The following ALDH1L1 variants were observed in gnomAD, a reference collection of about 807,000 sequenced individuals.
ALDH1L1 encodes the protein aldehyde dehydrogenase 1 family member L1, also known as cytosolic 10-formyltetrahydrofolate dehydrogenase.
In ALDH1L1, 68 loss-of-function variants were observed where a neutral mutation model predicts 101.1. The ratio of observed to expected loss-of-function variants is 0.67; its 90% CI spans 0.55 to 0.82. The LOEUF is 0.82. ALDH1L1 is among the 40% of genes least tolerant of loss of function. ALDH1L1 has a pLI of 0.00. For missense variants in ALDH1L1, 1,087 were observed against 1,172.7 expected (o/e 0.93, Z 1.07); for synonymous variants, 486 against 470.8 (o/e 1.03, Z -0.42).
chr3:126,124,280 G>T lies in ALDH1L1; in HGVS notation c.1888+84C>A, dbSNP rs572015963. Reference sequence around the variant, plus strand: ...TCTCCCCAGGCTACTCTGCCCTCACGCCACTATCCAGTAGGGCCTGCTCTG... The same window carrying T: ...TCTCCCCAGGCTACTCTGCCCTCACTCCACTATCCAGTAGGGCCTGCTCTG... On this transcript the variant is annotated intron_variant, in intron 16 of 22. Transcript: ENST00000393434. 1.7e-5 allele frequency: 21 copies of T among 1,256,652 alleles called. No individual in the cohort carries two copies. In the African/African-American group the frequency reaches 2.5e-4, roughly 15 times the overall value. 77.8% of individuals were successfully genotyped at this position (1,256,652 alleles called of 1,614,324 possible).
At chr3:126,139,884 G>A (rs1240449876) in intron 9 of ALDH1L1, among the ~76,000 whole-genome samples, 1 of 151,866 alleles carries the variant, frequency 6.6e-6, no homozygotes, top group East Asian at 1.9e-4. Context: ...AAAGAATGAA[G>A]AAAAATGAAA....
chr3:126,174,044 GT>G (rs1553765256), intron 1 of ALDH1L1, among the ~76,000 whole-genome samples: 5 of 152,004 alleles, frequency 3.3e-5, no homozygotes, highest in East Asian at 1.9e-4. Flanking sequence ...CCCCACTAAC[GT>G]TTTTTTTGGG....
chr3:126,144,732 A>C (rs953124903), intron 9 of ALDH1L1, among the ~76,000 whole-genome samples: 1 of 152,230 alleles, frequency 6.6e-6, no homozygotes, highest in South Asian at 2.1e-4. Flanking sequence ...TTAAGACTTA[A>C]AACTATAAAA....
chr3:126,124,358 T>A lies in ALDH1L1; in HGVS notation c.1888+6A>T. The A allele has an allele frequency of 6.2e-7, 1 of 1,609,056 alleles. No homozygotes were observed. Among genetic ancestry groups the A allele is most frequent in the Non-Finnish European group, 8.5e-7 (1 of 1,177,796 alleles). On this transcript the variant is annotated splice_donor_region_variant and intron_variant, in intron 16 of 22. Transcript: ENST00000393434. Reference sequence around the variant, plus strand: ...CCCTAGCCCTGCCCCCGACAATGGCTCTTACCAGATCCTGGGAGGACGTTA... The same window carrying A: ...CCCTAGCCCTGCCCCCGACAATGGCACTTACCAGATCCTGGGAGGACGTTA...
chr3:126,131,572 C>A, intron 12 of ALDH1L1, 38 bp from the exon 13 acceptor site: 1 of 1,581,212 alleles, frequency 6.3e-7, no homozygotes, highest in Non-Finnish European at 8.6e-7. Context: ...TGGGCTCAGG[C>A]CTGGCACGGC....
At chr3:126,125,459 A>C (rs2080162268) in intron 15 of ALDH1L1, among the ~76,000 whole-genome samples, 157 bp downstream of exon 15, 5 of 152,140 alleles carry the variant, frequency 3.3e-5, no homozygotes, top group Admixed American at 2.0e-4. Context: ...GCCTCTGCCC[A>C]CTGAGAGTGG....
chr3:126,132,436 C>T (rs1451426538), intron 12 of ALDH1L1, among the ~76,000 whole-genome samples: 38 of 152,210 alleles, frequency 2.5e-4, no homozygotes, highest in Admixed American at 2.5e-3. Context: ...CAACTCTGTG[C>T]CTGGCCAAGC....
intron 1 of ALDH1L1, among the ~76,000 whole-genome samples, chr3:126,187,925 G>T (rs940676397): frequency 1.3e-5 from 2 of 152,070 alleles, no homozygotes; most frequent in Admixed American, 1.3e-4. Context: ...GTTTAAACTT[G>T]TCAGAGTTTA....
In ALDH1L1 at chr3:126,153,468, G is replaced by A. The variant is rs1254921586; in HGVS notation, c.834C>T (p.Ile278=). 3.7e-6 allele frequency: 6 copies of A among 1,613,994 alleles called. No individual in the cohort carries two copies. The highest frequency in any genetic ancestry group is 5.1e-6 in the Non-Finnish European group (6 of 1,180,050). The change falls in exon 7 of 23, where the codon ATC becomes ATT. Residue 278 remains isoleucine (I), a synonymous_variant. Transcript: ENST00000393434. ...CCATTTTGTCATCATTCCCAAAGAGGATGAGTCCTGCTTTGGTGACCACCC... is the reference window on the plus strand; with the variant it reads ...CCATTTTGTCATCATTCCCAAAGAGAATGAGTCCTGCTTTGGTGACCACCC... ...RPGVVTKAGL[I]LFGNDDKMLL...
Position 126,131,539 on chromosome 3 carries a change from C to G in ALDH1L1, c.1473-5G>C, listed in dbSNP as rs1398539605. ...TGCTCCATGAGATCTGCCAACCTGA[C>G]CAGGGTGAGGGGAAGCGGGAGGTGG... is the stretch of plus-strand genomic sequence containing the variant. On this transcript the variant is annotated splice_region_variant and splice_polypyrimidine_tract_variant and intron_variant, in intron 12 of 22. Coordinates refer to ENST00000393434, the MANE Select transcript of ALDH1L1 (RefSeq NM_012190.4). The G allele has an allele frequency of 6.2e-7, 1 of 1,600,210 alleles. No individual in the cohort carries two copies. Among genetic ancestry groups the G allele is most frequent in the East Asian group, 2.2e-5 (1 of 44,446 alleles).
chr3:126,143,146 A>G (rs954307078), intron 9 of ALDH1L1, among the ~76,000 whole-genome samples: 1 of 152,206 alleles, frequency 6.6e-6, no homozygotes, highest in African/African-American at 2.4e-5. Context: ...TTTATTGAAC[A>G]CTGTACTGAA....
chr3:126,130,126 G>A (rs894329595), intron 14 of ALDH1L1, 97 bp downstream of exon 14: 13 of 1,153,956 alleles, frequency 1.1e-5, no homozygotes, highest in African/African-American at 1.6e-5. Flanking sequence ...ATAAATGCAC[G>A]CACAGGGTGC....
rs1945850153 is a variant in ALDH1L1, at chr3:126,105,862, G to A, written c.2517C>T (p.Phe839=). ...ATEFGLASGV[F]TRDINKALYV... Reference sequence around the variant, plus strand: ...ACAGGGCCTTGTTGATGTCCCTGGTGAAGACACCAGAAGCCAGGCCAAATT... The same window carrying A: ...ACAGGGCCTTGTTGATGTCCCTGGTAAAGACACCAGAAGCCAGGCCAAATT... Residue 839 remains phenylalanine, a synonymous_variant, in exon 22 of 23, where the codon TTC becomes TTT. Transcript: ENST00000393434. 6.2e-7 allele frequency: 1 copy of A among 1,614,218 alleles called. No individual in the cohort carries two copies. Among genetic ancestry groups the A allele is most frequent in the Non-Finnish European group, 8.5e-7 (1 of 1,180,036 alleles).
At chr3:126,114,793 TC>T (rs763013261) in intron 17 of ALDH1L1, 137 bp from the exon 18 acceptor site, 40 of 597,046 alleles carry the variant, frequency 6.7e-5, no homozygotes, top group Middle Eastern at 2.6e-4. Flanking sequence ...GCCTCCCCAC[TC>T]CCCCCCACCC....
intron 22 of ALDH1L1, chr3:126,105,171 C>T (rs1945822036): frequency 5.4e-6 from 1 of 184,408 alleles, no homozygotes; most frequent in South Asian, 1.2e-4. Flanking sequence ...CCGTGGTGTT[C>T]ACCCGGGGGT....
At chr3:126,130,103 G>T in intron 14 of ALDH1L1, 120 bp downstream of exon 14, 1 of 903,900 alleles carries the variant, frequency 1.1e-6, no homozygotes, top group South Asian at 3.0e-5. Context: ...AGAAGCACAT[G>T]GATGGCTGTT....
At chr3:126,180,845 C>T, upstream of ALDH1L1, 1 of 1,550,728 alleles carries the variant, frequency 6.4e-7, no homozygotes, top group Non-Finnish European at 8.7e-7. Flanking sequence ...GTCCCAAGCA[C>T]CCAGCAGGGC....
At chr3:126,182,810 C>G (rs946908306), upstream of ALDH1L1, among the ~76,000 whole-genome samples, 6 of 152,048 alleles carry the variant, frequency 3.9e-5, no homozygotes, top group African/African-American at 1.4e-4. Flanking sequence ...AGAAAGTGTT[C>G]CGAAATCATG....
chr3:126,155,924 G>A (rs1342911802), intron 4 of ALDH1L1: 5 of 153,330 alleles, frequency 3.3e-5, no homozygotes, highest in African/African-American at 1.2e-4. Flanking sequence ...TTGTTTCTCT[G>A]TGACAGGAAA....
Sources: allele counts gnomAD v4.1 joint callset (sites outside exome capture counted in the v4.1 genomes callset), GRCh38; gene constraint gnomAD v4.1.1; transcripts MANE v1.5; gene names NCBI Gene and HGNC (gene_info 2026-07-23, HGNC 2026-07-21).